Variants in NTRK3 observed in about 807,000 individuals in gnomAD.
NTRK3 encodes NT-3 growth factor receptor.
In NTRK3, 24 loss-of-function variants were observed where a neutral mutation model predicts 91.7. The ratio of observed to expected loss-of-function variants is 0.26; its 90% CI spans 0.19 to 0.37. The LOEUF (loss-of-function observed/expected upper bound fraction) is 0.37. Ranked by LOEUF, NTRK3 falls within the 10% of genes least tolerant of loss-of-function variation. NTRK3 has a pLI of 1.00. For missense variants in NTRK3, 880 were observed against 1,068.9 expected (o/e 0.82, Z 2.46); for synonymous variants, 483 against 404.0 (o/e 1.20, Z -2.34).
At chr15:88,110,580 A>G (rs12148590) in intron 13 of NTRK3, among the ~76,000 whole-genome samples, 67,002 of 152,024 alleles carry the variant, frequency 0.44, 15,013 homozygotes, top group Non-Finnish European at 0.47. Flanking sequence ...TGGTCTGCTG[A>G]CATGAGTGGT....
intron 13 of NTRK3, among the ~76,000 whole-genome samples, chr15:88,112,832 T>C (rs1439941801): frequency 6.6e-6 from 1 of 152,126 alleles, no homozygotes; most frequent in East Asian, 1.9e-4. Context: ...AACCTGAGCA[T>C]TGTCCAATGC....
At chr15:88,153,610 T>A (rs367928754) in intron 5 of NTRK3, among the ~76,000 whole-genome samples, 1 of 152,168 alleles carries the variant, frequency 6.6e-6, no homozygotes, top group Non-Finnish European at 1.5e-5. Flanking sequence ...AATCCATTCA[T>A]GGTGCTATAA....
intron 10 of NTRK3, among the ~76,000 whole-genome samples, chr15:88,134,284 A>G (rs2041664506): frequency 6.6e-6 from 1 of 152,214 alleles, no homozygotes; most frequent in Non-Finnish European, 1.5e-5. Context: ...AATCACTTTC[A>G]CTAAACTCTT....
At chr15:88,070,871 A>T (rs1322478459) in intron 13 of NTRK3, among the ~76,000 whole-genome samples, 1 of 152,130 alleles carries the variant, frequency 6.6e-6, no homozygotes, top group Non-Finnish European at 1.5e-5. Context: ...CCATAACCAA[A>T]ACCCAAGGAG....
chr15:88,125,504 A>G (rs1393543942), intron 13 of NTRK3, among the ~76,000 whole-genome samples: 1 of 144,780 alleles, frequency 6.9e-6, no homozygotes, highest in Admixed American at 7.0e-5. Flanking sequence ...ATCGCCAAAC[A>G]TGGAAACCCC....
At chr15:88,000,670 T>C (rs2076039581) in intron 14 of NTRK3, among the ~76,000 whole-genome samples, 1 of 152,234 alleles carries the variant, frequency 6.6e-6, no homozygotes, top group African/African-American at 2.4e-5. Context: ...GCTTTAACCA[T>C]GTTGTAGCAA....
chr15:87,950,118 T>C lies in NTRK3; in HGVS notation c.1586-9365A>G, dbSNP rs1448999504. On this transcript the variant is annotated intron_variant, in intron 14 of 18. Coordinates refer to ENST00000394480, the Ensembl canonical transcript of NTRK3. ...CCCAAGCCGTCCCTGTGATGTCATGTTCTCACCAGAACACGCAGAGCACAA... is the reference window on the plus strand; with the variant it reads ...CCCAAGCCGTCCCTGTGATGTCATGCTCTCACCAGAACACGCAGAGCACAA... Among the ~76,000 whole-genome samples, 3 of 152,184 alleles carry C rather than the reference T, an allele frequency of 2.0e-5. No homozygotes were observed. In the East Asian group the frequency reaches 5.8e-4, roughly 29 times the overall value.
chr15:88,177,267 T>C (rs1468396625), intron 5 of NTRK3, among the ~76,000 whole-genome samples: 1 of 152,206 alleles, frequency 6.6e-6, no homozygotes, highest in Non-Finnish European at 1.5e-5. Flanking sequence ...CTAAGTGGCA[T>C]GATCGGATTT....
chr15:87,915,658 C>T (rs1483448933), intron 17 of NTRK3, among the ~76,000 whole-genome samples: 1 of 152,022 alleles, frequency 6.6e-6, no homozygotes, highest in Non-Finnish European at 1.5e-5. Flanking sequence ...CAATAAAGAT[C>T]CATCATAGGG....
intron 13 of NTRK3, among the ~76,000 whole-genome samples, chr15:88,101,568 G>A (rs574528908): frequency 7.2e-5 from 11 of 152,282 alleles, no homozygotes; most frequent in Admixed American, 3.9e-4. Flanking sequence ...ACATGCACTC[G>A]TATGTTTATC....
rs568439732 is a variant in NTRK3 at position 88,226,330 on chromosome 15, G to T, written c.248+29576C>A. On this transcript the variant is annotated intron_variant, in intron 3 of 18. Transcript: ENST00000394480. ...CACCCCAGAGGTTGCAGCCACCAGA[G>T]CATCCCTCAGGGTAGATCCCAGGAA... is the stretch of plus-strand genomic sequence containing the variant. 3.9e-5 allele frequency among the ~76,000 whole-genome samples: 6 copies of T among 152,254 alleles called. No homozygotes were observed. The South Asian group carries it at 1.2e-3, about 32-fold the overall frequency.
At chr15:88,060,078 G>T (rs2046075244) in intron 13 of NTRK3, among the ~76,000 whole-genome samples, 1 of 152,160 alleles carries the variant, frequency 6.6e-6, no homozygotes, top group Non-Finnish European at 1.5e-5. Flanking sequence ...CTTAGCAGAG[G>T]CCTGGTTGCC....
intron 14 of NTRK3, chr15:87,977,572 G>A (rs1001615663): frequency 1.3e-5 from 3 of 231,016 alleles, no homozygotes; most frequent in Non-Finnish European, 2.6e-5. Flanking sequence ...ACTCCTTAAA[G>A]CCACACTTGG....
At chr15:88,228,745 G>A (rs2050904953) in intron 3 of NTRK3, among the ~76,000 whole-genome samples, 1 of 152,142 alleles carries the variant, frequency 6.6e-6, no homozygotes, top group African/African-American at 2.4e-5. Flanking sequence ...GGGAACTGGA[G>A]GTCTGCAAGC....
At chr15:88,064,294 CA>C (rs1232353494) in intron 13 of NTRK3, among the ~76,000 whole-genome samples, 1 of 152,210 alleles carries the variant, frequency 6.6e-6, no homozygotes, top group Non-Finnish European at 1.5e-5. Context: ...TGTTTTAAGC[CA>C]TGCTGTTTGC....
At chr15:87,870,992 A>G (rs1007436873) in exon 19 of NTRK3, 6 of 231,080 alleles carry the variant, frequency 2.6e-5, no homozygotes, top group African/African-American at 6.6e-5. Context: ...AAGATAGCCA[A>G]GCTCACTGGT....
At chr15:87,939,827 C>T (rs1255470151) in intron 15 of NTRK3, among the ~76,000 whole-genome samples, 1 of 152,204 alleles carries the variant, frequency 6.6e-6, no homozygotes, top group Non-Finnish European at 1.5e-5. Context: ...TTATGTTAAC[C>T]ATGTTCAAAA....
intron 15 of NTRK3, among the ~76,000 whole-genome samples, chr15:87,936,131 T>C (rs1165470397): frequency 1.3e-5 from 2 of 152,124 alleles, no homozygotes; most frequent in Admixed American, 6.5e-5. Flanking sequence ...CTGGGAAACC[T>C]CAAAATGGGT....
chr15:88,153,079 C>T (rs906148056), intron 5 of NTRK3, among the ~76,000 whole-genome samples: 43 of 152,208 alleles, frequency 2.8e-4, no homozygotes, highest in African/African-American at 9.9e-4. Context: ...TGTCCAACCC[C>T]TCCCAATCCT....
Sources: gnomAD v4.1 joint callset for allele counts (sites outside exome capture counted in the v4.1 genomes callset) on GRCh38, gnomAD v4.1.1 for gene constraint, MANE v1.5 for transcripts, NCBI Gene and HGNC (gene_info 2026-07-23, HGNC 2026-07-21) for gene names.